Variants in CCDC7 observed in about 807,000 individuals in gnomAD.
The protein encoded by CCDC7 is coiled-coil domain-containing protein 7.
A neutral mutation model predicts 196.9 loss-of-function variants in CCDC7; 183 were observed. The observed-to-expected ratio is 0.93, with a 90% CI of 0.82 to 1.05. The LOEUF (loss-of-function observed/expected upper bound fraction) is 1.05. Among genes scored for constraint, CCDC7 ranks in the 50% least tolerant of loss-of-function variants. The pLI, the probability that CCDC7 is intolerant of heterozygous loss-of-function variation, is 0.00. For synonymous variants in CCDC7, 525 were observed against 484.6 expected (o/e 1.08, Z -1.10); for missense variants, 1,540 against 1,482.2 (o/e 1.04, Z -0.64).
intron 33 of CCDC7, among the ~76,000 whole-genome samples, chr10:32,844,162 C>G (rs1467644270): frequency 6.6e-6 from 1 of 151,906 alleles, no homozygotes; most frequent in African/African-American, 2.4e-5. Flanking sequence ...AATATGAACT[C>G]TCCTTTCATA....
At chr10:32,488,663 T>G (rs1383827029) in intron 8 of CCDC7, among the ~76,000 whole-genome samples, 1 of 152,234 alleles carries the variant, frequency 6.6e-6, no homozygotes. Flanking sequence ...ATGGTTCTTC[T>G]GTATGATTTC....
chr10:32,579,826 G>A (rs1295438511), intron 16 of CCDC7, among the ~76,000 whole-genome samples: 1 of 151,944 alleles, frequency 6.6e-6, no homozygotes, highest in African/African-American at 2.4e-5. Context: ...TGAGATATTG[G>A]CCATTTCAAC....
At chr10:32,448,260 G>C (rs1275932795), upstream of CCDC7, among the ~76,000 whole-genome samples, 1 of 151,890 alleles carries the variant, frequency 6.6e-6, no homozygotes, top group African/African-American at 2.4e-5. Context: ...GTTTGTGCTT[G>C]TCAGACATAT....
intron 26 of CCDC7, among the ~76,000 whole-genome samples, chr10:32,728,255 G>A (rs2083408946): frequency 6.6e-6 from 1 of 152,048 alleles, no homozygotes; most frequent in Non-Finnish European, 1.5e-5. Context: ...GATCTCAGAA[G>A]GTTCTACATT....
intron 31 of CCDC7, among the ~76,000 whole-genome samples, chr10:32,820,534 C>T (rs1240481774): frequency 6.6e-6 from 1 of 152,122 alleles, no homozygotes; most frequent in Non-Finnish European, 1.5e-5. Flanking sequence ...AAGAACAAAG[C>T]TGGAGGCATC....
intron 18 of CCDC7, among the ~76,000 whole-genome samples, chr10:32,599,699 G>C (rs1265738236): frequency 6.6e-6 from 1 of 151,492 alleles, no homozygotes; most frequent in Admixed American, 6.6e-5. Context: ...AGTGTGTTTT[G>C]GTTACATGGA....
chr10:32,688,911 A>G (rs1448111754), intron 22 of CCDC7, 142 bp from the exon 24 acceptor site: 2 of 604,862 alleles, frequency 3.3e-6, no homozygotes, highest in African/African-American at 1.9e-5. Flanking sequence ...CCATTTTCAT[A>G]GTAGATATAG....
intron 24 of CCDC7, among the ~76,000 whole-genome samples, chr10:32,699,594 G>C (rs1375350672): frequency 1.3e-5 from 2 of 149,108 alleles, no homozygotes; most frequent in Non-Finnish European, 2.9e-5. Context: ...GGGTCAAATG[G>C]TATTTCTAGT....
At chr10:32,724,529 C>A (rs1592072265) in intron 25 of CCDC7, among the ~76,000 whole-genome samples, 1 of 152,186 alleles carries the variant, frequency 6.6e-6, no homozygotes, top group African/African-American at 2.4e-5. Context: ...ATTAAAGGCA[C>A]CAGATGAGTG....
chr10:32,498,343 A>T (rs1228953243), intron 9 of CCDC7, among the ~76,000 whole-genome samples: 2 of 152,010 alleles, frequency 1.3e-5, no homozygotes, highest in African/African-American at 4.8e-5. Flanking sequence ...CCAATTTGCC[A>T]GTCTGTGTCT....
chr10:32,843,155 C>T (rs750404720), intron 33 of CCDC7, among the ~76,000 whole-genome samples: 2 of 150,654 alleles, frequency 1.3e-5, no homozygotes, highest in Non-Finnish European at 1.5e-5. Context: ...TCAAATCCAC[C>T]GGAACAAATG....
chr10:32,544,862 C>G (rs1026115564), intron 13 of CCDC7, among the ~76,000 whole-genome samples: 2 of 151,992 alleles, frequency 1.3e-5, no homozygotes, highest in Non-Finnish European at 2.9e-5. Context: ...TTTGAATATT[C>G]TTTTTTCTTT....
chr10:32,834,812 TAG>T lies in CCDC7; in HGVS notation c.3270_3271del. 3.0e-6 allele frequency: 4 copies of T among 1,354,894 alleles called. No homozygotes were observed. Among genetic ancestry groups the T allele is most frequent in the Non-Finnish European group, 4.2e-6 (4 of 954,798 alleles). The allele number at this position is 1,354,894 out of a possible 1,614,324, so 83.9% of individuals were successfully genotyped here. ...GTTTTGAAAACCTGTTTTATTTTTA[TAG>T]AGACTGTCTTAAAACACTTGAAAGG... On this transcript the variant is annotated splice_acceptor_variant, in intron 32 of 41. Coordinates refer to ENST00000639629, the Ensembl canonical transcript of CCDC7. LOFTEE classifies it high-confidence loss of function.
intron 28 of CCDC7, among the ~76,000 whole-genome samples, chr10:32,756,201 G>C (rs2076412858): frequency 6.6e-6 from 1 of 152,192 alleles, no homozygotes; most frequent in African/African-American, 2.4e-5. Flanking sequence ...TTATCCAGGA[G>C]AATTTCCCCA....
At chr10:32,661,476 A>G (rs1158425587) in intron 20 of CCDC7, among the ~76,000 whole-genome samples, 2 of 152,188 alleles carry the variant, frequency 1.3e-5, no homozygotes, top group Non-Finnish European at 2.9e-5. Context: ...ACAGTTGGAA[A>G]TGTGCTGGGT....
intron 9 of CCDC7, among the ~76,000 whole-genome samples, chr10:32,495,152 T>C (rs2042720840): frequency 6.6e-6 from 1 of 152,264 alleles, no homozygotes; most frequent in South Asian, 2.1e-4. Flanking sequence ...CCAGTGATGA[T>C]GAGCATATTT....
At chr10:32,569,400 G>C (rs1220525312) in intron 15 of CCDC7, among the ~76,000 whole-genome samples, 4 of 152,020 alleles carry the variant, frequency 2.6e-5, no homozygotes, top group African/African-American at 9.7e-5. Flanking sequence ...ATGCTATTCT[G>C]AAGGATGCTT....
intron 32 of CCDC7, among the ~76,000 whole-genome samples, chr10:32,832,902 T>G (rs1005800936): frequency 1.3e-5 from 2 of 152,106 alleles, no homozygotes; most frequent in African/African-American, 4.8e-5. Flanking sequence ...GTAATAGGCA[T>G]GCAATATATT....
chr10:32,574,611 GTT>G, intron 16 of CCDC7: 1 of 612,648 alleles, frequency 1.6e-6, no homozygotes, highest in Non-Finnish European at 2.3e-6. Context: ...GTGGTAAATA[GTT>G]AATCAAACAA....
Sources: gnomAD v4.1 joint callset for allele counts (sites outside exome capture counted in the v4.1 genomes callset) on GRCh38, gnomAD v4.1.1 for gene constraint, MANE v1.5 for transcripts, NCBI Gene and HGNC (gene_info 2026-07-23, HGNC 2026-07-21) for gene names.